Variants in PCDHA2 observed in about 807,000 individuals in gnomAD.
PCDHA2 encodes the protein protocadherin alpha 2, also known as protocadherin alpha-2.
A neutral mutation model predicts 66.0 loss-of-function variants in PCDHA2; 58 were observed. The observed-to-expected ratio is 0.88, with a 90% CI of 0.71 to 1.09. The LOEUF (loss-of-function observed/expected upper bound fraction) is 1.09. Ranked by LOEUF, PCDHA2 falls within the 50% of genes least tolerant of loss-of-function variation. The pLI, the probability that PCDHA2 is intolerant of heterozygous loss-of-function variation, is 0.00. For missense variants in PCDHA2, 1,267 were observed against 1,242.3 expected (o/e 1.02, Z -0.30); for synonymous variants, 634 against 554.0 (o/e 1.14, Z -2.03).
In PCDHA2 at chr5:140,807,403, A is replaced by G. The variant is rs3822350; in HGVS notation, c.2388+10051A>G. 3.1e-5 allele frequency: 44 copies of G among 1,410,564 alleles called. 2 individuals carry two copies. Among genetic ancestry groups the G allele is most frequent in the Admixed American group, 1.4e-4 (7 of 49,960 alleles). The allele number at this position is 1,410,564 out of a possible 1,614,324, so 87.4% of individuals were successfully genotyped here. A position where few individuals can be genotyped will look rare whatever the true frequency, so the allele number is the denominator to read the frequency against. On this transcript the variant is annotated intron_variant, in intron 1 of 3. Coordinates refer to ENST00000526136, the MANE Select transcript of PCDHA2 (RefSeq NM_018905.3). ...TCCGGGTGGCGTCCAAGGGCCGCGGAGGCCTTCTGGAGGTAAATCTGCAGA... is the reference window on the plus strand; with the variant it reads ...TCCGGGTGGCGTCCAAGGGCCGCGGGGGCCTTCTGGAGGTAAATCTGCAGA...
intron 3 of PCDHA2, among the ~76,000 whole-genome samples, chr5:141,006,105 G>GTT (rs79904017): frequency 1.9e-4 from 27 of 143,364 alleles, no homozygotes; most frequent in Middle Eastern, 3.8e-3. Flanking sequence ...ATGGTAAGGA[G>GTT]TTTTTTTTTT....
chr5:140,830,518 T>G (rs933465467), intron 1 of PCDHA2: 1 of 1,345,070 alleles, frequency 7.4e-7, no homozygotes, highest in Admixed American at 2.6e-5. Flanking sequence ...CAGTTAATTT[T>G]TATTTTAAAT....
At chr5:140,927,288 C>T (rs917590577) in intron 1 of PCDHA2, 1 of 1,614,196 alleles carries the variant, frequency 6.2e-7, no homozygotes, top group Non-Finnish European at 8.5e-7. Context: ...TGCAGCTGCA[C>T]ATCCCCGAGT....
chr5:140,842,975 C>T (rs1554139598), intron 1 of PCDHA2: 3 of 1,594,992 alleles, frequency 1.9e-6, no homozygotes, highest in Non-Finnish European at 2.6e-6. Context: ...CGTGACGCTG[C>T]AGGTGTTCGT....
intron 1 of PCDHA2, among the ~76,000 whole-genome samples, chr5:140,925,081 GA>G (rs2082282278): frequency 1.4e-5 from 2 of 146,052 alleles, no homozygotes; most frequent in African/African-American, 2.7e-5. Flanking sequence ...CGCTCATCTG[GA>G]AAGGAAGGAA....
At chr5:140,892,480 CA>C (rs1484176083) in intron 1 of PCDHA2, among the ~76,000 whole-genome samples, 14 of 152,110 alleles carry the variant, frequency 9.2e-5, no homozygotes, top group Non-Finnish European at 1.8e-4. Context: ...GTTTCCTAGC[CA>C]AACATGAGAG....
intron 1 of PCDHA2, chr5:140,836,109 G>C (rs2150253080): frequency 6.2e-7 from 1 of 1,613,728 alleles, no homozygotes; most frequent in Non-Finnish European, 8.5e-7. Flanking sequence ...CACTGGTGGC[G>C]CAGTGAGAGA....
intron 1 of PCDHA2, chr5:140,843,699 T>C: frequency 6.3e-7 from 1 of 1,582,804 alleles, no homozygotes; most frequent in Non-Finnish European, 8.7e-7. Flanking sequence ...GATTTAAATG[T>C]TGATCATGGC....
chr5:140,842,480 T>C (rs1554139085), intron 1 of PCDHA2: 2 of 1,613,826 alleles, frequency 1.2e-6, no homozygotes, highest in Non-Finnish European at 1.7e-6. Flanking sequence ...GCAGGTGACC[T>C]GCTCCCTGAT....
In PCDHA2 at chr5:140,796,344, C is replaced by A; in HGVS notation, c.1380C>A (p.Tyr460Ter). 6.2e-7 allele frequency: 1 copy of A among 1,611,278 alleles called. No homozygotes were observed. The highest frequency in any genetic ancestry group is 8.5e-7 in the Non-Finnish European group (1 of 1,179,234). ...DNAPAFAQPEYTVFVKENNPP... is the reference protein window; with the variant it reads ...DNAPAFAQPE The stretch of plus-strand genomic sequence containing the variant: ...CGCCGGCGTTCGCACAGCCTGAGTA[C>A]ACAGTATTCGTGAAGGAGAACAACC... The change falls in exon 1 of 4, where the codon TAC becomes TAA. Residue 460 changes from tyrosine (Y) to a stop codon, truncating the protein, a stop_gained. Coordinates refer to ENST00000526136, the MANE Select transcript of PCDHA2 (RefSeq NM_018905.3). LOFTEE classifies it high-confidence loss of function.
At position 140,849,698 on chromosome 5, in the gene PCDHA2, C is replaced by A. The variant is rs2150445577; in HGVS notation, c.2388+52346C>A. 5 of 1,598,548 alleles carry A rather than the reference C, an allele frequency of 3.1e-6. No individual in the cohort carries two copies. The East Asian group carries it at 1.1e-4, about 36-fold the overall frequency. ...TCCCCTTCAAGCTGGTGTCCACCTA[C>A]AAGAATTACTACTCGTTGGTGCTGG... On this transcript the variant is annotated intron_variant, in intron 1 of 3. Coordinates refer to ENST00000526136, the MANE Select transcript of PCDHA2 (RefSeq NM_018905.3).
At position 140,835,912 on chromosome 5, in the gene PCDHA2, T is replaced by C. The variant is rs2150248212; in HGVS notation, c.2388+38560T>C. ...CGCGCGCTGTCGAGCTACGTGTCAG[T>C]GCACGCGGAGAGCGGCAAGGTGTAC... On this transcript the variant is annotated intron_variant, in intron 1 of 3. Coordinates refer to ENST00000526136, the MANE Select transcript of PCDHA2 (RefSeq NM_018905.3). 1.9e-5 allele frequency: 30 copies of C among 1,612,232 alleles called. 1 individual carries two copies. In the South Asian group the frequency reaches 2.6e-4, roughly 14 times the overall value.
Position 140,801,500 on chromosome 5 carries a change from G to C in PCDHA2, c.2388+4148G>C, listed in dbSNP as rs539262034. 36 of 1,614,186 alleles carry C rather than the reference G, an allele frequency of 2.2e-5. No homozygotes were observed. In the South Asian group the frequency reaches 3.8e-4, roughly 17 times the overall value. On this transcript the variant is annotated intron_variant, in intron 1 of 3. Transcript: ENST00000526136. ...AGGAACTGTGCGGGCGGAGCGCGGAGTGCAGCATCCACCTGGAGGTGATCG... is the reference window on the plus strand; with the variant it reads ...AGGAACTGTGCGGGCGGAGCGCGGACTGCAGCATCCACCTGGAGGTGATCG...
At chr5:141,000,417 A>ATTTTT (rs1563652061) in intron 3 of PCDHA2, among the ~76,000 whole-genome samples, 3 of 77,750 alleles carry the variant, frequency 3.9e-5, no homozygotes, top group Non-Finnish European at 7.0e-5. Flanking sequence ...ATATATATAT[A>ATTTTT]TATATTTTTT....
At position 140,797,264 on chromosome 5, in the gene PCDHA2, C is replaced by T; in HGVS notation, c.2300C>T (p.Thr767Met). The T allele has an allele frequency of 6.2e-7, 1 of 1,614,198 alleles. No individual in the cohort carries two copies. The highest frequency in any genetic ancestry group is 8.5e-7 in the Non-Finnish European group (1 of 1,180,046). Residue 767 changes from threonine to methionine, a missense_variant, in exon 1 of 4, where the codon ACG becomes ATG. Coordinates refer to ENST00000526136, the MANE Select transcript of PCDHA2 (RefSeq NM_018905.3). ...RVCSGEDPPK[T>M]DLMAFSPSLS... ...TGCTCTGGGGAGGACCCCCCCAAGACGGACCTCATGGCCTTCAGCCCTAGC... is the reference window on the plus strand; with the variant it reads ...TGCTCTGGGGAGGACCCCCCCAAGATGGACCTCATGGCCTTCAGCCCTAGC...
intron 1 of PCDHA2, among the ~76,000 whole-genome samples, chr5:140,890,446 T>A (rs1554184296): frequency 6.6e-6 from 1 of 152,228 alleles, no homozygotes; most frequent in Non-Finnish European, 1.5e-5. Context: ...CCTAGTGATA[T>A]CTTTAGGCAC....
At chr5:140,869,650 C>G in intron 1 of PCDHA2, 1 of 1,613,504 alleles carries the variant, frequency 6.2e-7, no homozygotes, top group Non-Finnish European at 8.5e-7. Context: ...TTTAGATTCA[C>G]CAACAAATGG....
At chr5:140,955,477 C>T (rs1401684156) in intron 1 of PCDHA2, among the ~76,000 whole-genome samples, 2 of 152,128 alleles carry the variant, frequency 1.3e-5, no homozygotes, top group African/African-American at 4.8e-5. Context: ...CTTGGCACCT[C>T]TCCTTCCTGC....
At position 140,850,458 on chromosome 5, in the gene PCDHA2, G is replaced by T. The variant is rs150924900; in HGVS notation, c.2388+53106G>T. 34 of 1,597,834 alleles carry T rather than the reference G, an allele frequency of 2.1e-5. 2 individuals carry two copies. In the African/African-American group the frequency reaches 4.4e-4, roughly 21 times the overall value. On this transcript the variant is annotated intron_variant, in intron 1 of 3. Transcript: ENST00000526136. ...CCTACTGGTGCTGGTGAAAGACCAC[G>T]GGGAGCCAGCGCTGACGGCCACGGC...
Sources: gnomAD v4.1 joint callset for allele counts (sites outside exome capture counted in the v4.1 genomes callset) on GRCh38, gnomAD v4.1.1 for gene constraint, MANE v1.5 for transcripts, NCBI Gene and HGNC (gene_info 2026-07-23, HGNC 2026-07-21) for gene names.